OPCML: variants seen among roughly 807,000 people sequenced by gnomAD.
OPCML encodes the protein opioid-binding protein/cell adhesion molecule.
OPCML carries 13 observed loss-of-function variants against 37.8 expected under a neutral mutation model. The observed-to-expected ratio is 0.34, with a 90% CI of 0.22 to 0.55. OPCML has a LOEUF of 0.55. Among genes scored for constraint, OPCML ranks in the 20% least tolerant of loss-of-function variants. The pLI is 0.91. For missense variants in OPCML, 341 were observed against 435.6 expected (o/e 0.78, Z 1.93); for synonymous variants, 176 against 168.8 (o/e 1.04, Z -0.33).
intron 1 of OPCML, among the ~76,000 whole-genome samples, chr11:133,161,014 C>T (rs1183129237): frequency 6.6e-6 from 1 of 152,328 alleles, no homozygotes; most frequent in East Asian, 1.9e-4. Flanking sequence ...AGGCAGCAGG[C>T]CTGGTGCGGG....
intron 1 of OPCML, among the ~76,000 whole-genome samples, chr11:133,161,005 G>A (rs914205105): frequency 3.9e-5 from 6 of 152,222 alleles, no homozygotes; most frequent in Non-Finnish European, 7.3e-5. Flanking sequence ...ATGGAAATCA[G>A]GCAGCAGGCC....
At chr11:133,299,146 A>G (rs1235183781) in intron 1 of OPCML, 1 of 152,222 alleles carries the variant, frequency 6.6e-6, no homozygotes, top group East Asian at 1.9e-4. Flanking sequence ...ACTTTCTGAC[A>G]CTGCTGGCCA....
intron 1 of OPCML, among the ~76,000 whole-genome samples, chr11:133,152,570 T>TC (rs11458795): frequency 0.47 from 70,605 of 150,362 alleles, 17,958 homozygotes; most frequent in African/African-American, 0.66. Context: ...TCCCTCCTGA[T>TC]CCCCCCCCAA....
At chr11:132,714,812 G>T (rs1208440655) in intron 2 of OPCML, among the ~76,000 whole-genome samples, 1 of 152,174 alleles carries the variant, frequency 6.6e-6, no homozygotes, top group Non-Finnish European at 1.5e-5. Flanking sequence ...GGGGAGCTTT[G>T]ATTTCTGTAC....
At chr11:132,981,692 G>A (rs951971990) in intron 1 of OPCML, among the ~76,000 whole-genome samples, 2 of 152,174 alleles carry the variant, frequency 1.3e-5, no homozygotes, top group East Asian at 1.9e-4. Flanking sequence ...TGGCTCACAT[G>A]GTGATCTTAG....
intron 1 of OPCML, among the ~76,000 whole-genome samples, chr11:133,079,709 A>G (rs2137027372): frequency 6.6e-6 from 1 of 152,220 alleles, no homozygotes; most frequent in South Asian, 2.1e-4. Flanking sequence ...CAATTTGTGA[A>G]TTGTGAATTC....
chr11:132,884,351 A>G (rs1943329938), intron 2 of OPCML, among the ~76,000 whole-genome samples: 1 of 152,220 alleles, frequency 6.6e-6, no homozygotes, highest in Admixed American at 6.5e-5. Context: ...AAATGGCTCC[A>G]ATAAGTCAGA....
chr11:133,018,552 T>C (rs1467380390), intron 1 of OPCML, among the ~76,000 whole-genome samples: 1 of 152,146 alleles, frequency 6.6e-6, no homozygotes, highest in Admixed American at 6.5e-5. Flanking sequence ...CGACCCCCTT[T>C]TGAAGCCAGA....
intron 1 of OPCML, among the ~76,000 whole-genome samples, chr11:133,105,036 C>T (rs761606736): frequency 2.6e-5 from 4 of 152,068 alleles, no homozygotes; most frequent in Non-Finnish European, 4.4e-5. Flanking sequence ...AATTGTTAGG[C>T]ACATTAAGAA....
At chr11:132,874,146 T>C (rs931022595) in intron 2 of OPCML, among the ~76,000 whole-genome samples, 2 of 152,210 alleles carry the variant, frequency 1.3e-5, no homozygotes, top group African/African-American at 4.8e-5. Context: ...CCATCAATTA[T>C]ATACTTCTTT....
chr11:133,250,521 AAGGG>A (rs1212319501), intron 1 of OPCML, among the ~76,000 whole-genome samples: 4 of 110,546 alleles, frequency 3.6e-5, no homozygotes, highest in South Asian at 4.3e-4. Flanking sequence ...AGAGGGAGGG[AAGGG>A]AGGGAGGGAG....
intron 7 of OPCML, among the ~76,000 whole-genome samples, chr11:132,422,356 G>C (rs971437250): frequency 3.3e-5 from 5 of 152,170 alleles, no homozygotes; most frequent in Admixed American, 2.6e-4. Context: ...TGGAAGAGTG[G>C]GGCTCAGAGA....
chr11:132,935,791 G>T (rs1240047311), intron 2 of OPCML, among the ~76,000 whole-genome samples: 1 of 152,098 alleles, frequency 6.6e-6, no homozygotes, highest in Non-Finnish European at 1.5e-5. Context: ...CGTATTTTAG[G>T]GTTTAAACAA....
chr11:132,516,248 C>T (rs1454813933), intron 4 of OPCML, among the ~76,000 whole-genome samples: 11 of 152,126 alleles, frequency 7.2e-5, no homozygotes, highest in Admixed American at 5.9e-4. Context: ...AAGAAAAATG[C>T]TTGGGAGATA....
chr11:132,417,120 C>G lies in OPCML; in HGVS notation c.*3073G>C, dbSNP rs2095941446. On this transcript the variant is annotated 3_prime_UTR_variant, in exon 8 of 8. Transcript: ENST00000524381. The stretch of plus-strand genomic sequence containing the variant: ...TTGTATGTTTTGTCCTGCCTTGCCC[C>G]CACCCCATGCCCACTACTGGCACCC... 2.6e-5 allele frequency: 4 copies of G among 152,558 alleles called. No individual in the cohort carries two copies. Among genetic ancestry groups the G allele is most frequent in the Admixed American group, 2.6e-4 (4 of 15,276 alleles). 9.5% of individuals were successfully genotyped at this position (152,558 alleles called of 1,614,324 possible). A position where few individuals can be genotyped will look rare whatever the true frequency, so the allele number is the denominator to read the frequency against.
chr11:132,511,887 T>C (rs73586945), intron 4 of OPCML, among the ~76,000 whole-genome samples: 5,326 of 152,154 alleles, frequency 0.035, 301 homozygotes, highest in African/African-American at 0.11. Context: ...TAAAACTGAA[T>C]TCCTTTACAA....
At chr11:133,522,744 G>A (rs1948418646) in intron 1 of OPCML, among the ~76,000 whole-genome samples, 1 of 152,180 alleles carries the variant, frequency 6.6e-6, no homozygotes, top group Non-Finnish European at 1.5e-5. Context: ...CTGACTATGT[G>A]ACTTCAGGTA....
chr11:132,582,851 T>TC (rs2096464938), intron 3 of OPCML, among the ~76,000 whole-genome samples: 1 of 147,764 alleles, frequency 6.8e-6, no homozygotes, highest in Admixed American at 6.7e-5. Context: ...TTAAGGTTTT[T>TC]TTTTTTTTTT....
intron 1 of OPCML, among the ~76,000 whole-genome samples, chr11:133,105,137 T>C (rs916023882): frequency 6.6e-6 from 1 of 152,188 alleles, no homozygotes; most frequent in East Asian, 1.9e-4. Flanking sequence ...TTCAATAAAC[T>C]TTACGCTTGC....
Sources: gnomAD v4.1 joint callset for allele counts (sites outside exome capture counted in the v4.1 genomes callset) on GRCh38, gnomAD v4.1.1 for gene constraint, MANE v1.5 for transcripts, NCBI Gene and HGNC (gene_info 2026-07-23, HGNC 2026-07-21) for gene names.